LOC400499: variants seen among roughly 807,000 people sequenced by gnomAD.
the LOC400499 span, among the ~76,000 whole-genome samples, chr16:11,498,270 C>G: frequency 2.0e-5 from 3 of 152,126 alleles, no homozygotes; most frequent in African/African-American, 7.2e-5. Context: ...CACATGAGCT[C>G]AGGAGTTCGA....
At chr16:11,496,964 C>T in the LOC400499 span, among the ~76,000 whole-genome samples, 7 of 148,580 alleles carry the variant, frequency 4.7e-5, no homozygotes, top group South Asian at 2.2e-4. Context: ...GGTGTGTGTC[C>T]GTGCATTTCC....
chr16:11,386,457 A>C, the LOC400499 span, among the ~76,000 whole-genome samples: 9 of 152,220 alleles, frequency 5.9e-5, no homozygotes, highest in Non-Finnish European at 1.3e-4. Context: ...CTGCTTAGAC[A>C]TGACTGCGCC....
the LOC400499 span, chr16:11,392,348 C>G: frequency 2.5e-6 from 1 of 399,034 alleles, no homozygotes; most frequent in Non-Finnish European, 4.4e-6. Flanking sequence ...CCCCTGGCAG[C>G]CGCGCGCGGC....
At chr16:11,383,007 G>A in the LOC400499 span, among the ~76,000 whole-genome samples, 1 of 151,982 alleles carries the variant, frequency 6.6e-6, no homozygotes, top group Admixed American at 6.6e-5. Context: ...TGGCTTCTGG[G>A]AGGCCTCAGG....
the LOC400499 span, among the ~76,000 whole-genome samples, chr16:11,393,814 A>G: frequency 6.6e-6 from 1 of 152,128 alleles, no homozygotes; most frequent in African/African-American, 2.4e-5. Flanking sequence ...TCAAGGGCTC[A>G]CTCCTATAAT....
the LOC400499 span, chr16:11,457,023 G>C: frequency 6.5e-7 from 1 of 1,530,918 alleles, no homozygotes; most frequent in Non-Finnish European, 8.7e-7. Flanking sequence ...CTGCCTCTCA[G>C]GCACCTGCAG....
the LOC400499 span, among the ~76,000 whole-genome samples, chr16:11,484,259 G>A: frequency 1.1e-4 from 17 of 151,974 alleles, no homozygotes; most frequent in Middle Eastern, 3.4e-3. Flanking sequence ...CGCCTGCCTC[G>A]GCCTCCCAAA....
the LOC400499 span, among the ~76,000 whole-genome samples, chr16:11,507,158 T>G: frequency 6.6e-6 from 1 of 152,154 alleles, no homozygotes; most frequent in Non-Finnish European, 1.5e-5. Context: ...GGCCAAAGAA[T>G]GCAGTGCTGT....
chr16:11,456,729 A>G, the LOC400499 span: 1 of 1,151,622 alleles, frequency 8.7e-7, no homozygotes, highest in East Asian at 2.6e-5. Flanking sequence ...TGCCTGGCCC[A>G]GTTTGAGTCT....
At chr16:11,460,881 C>G in the LOC400499 span, 2 of 1,430,398 alleles carry the variant, frequency 1.4e-6, no homozygotes, top group South Asian at 2.9e-5. Context: ...CAGCGTATCT[C>G]AGCTCACGGA....
the LOC400499 span, among the ~76,000 whole-genome samples, chr16:11,423,616 G>A: frequency 1.2e-4 from 18 of 152,216 alleles, no homozygotes; most frequent in African/African-American, 4.3e-4. Flanking sequence ...CTTCAGGCCA[G>A]GAGCCCTGCT....
chr16:11,472,376 AAAG>A, the LOC400499 span: 1 of 151,988 alleles, frequency 6.6e-6, no homozygotes, highest in Admixed American at 6.6e-5. Context: ...TATTTTTAGT[AAAG>A]ATGGGGTTTT....
chr16:11,450,510 C>T, the LOC400499 span: 9 of 1,176,194 alleles, frequency 7.7e-6, no homozygotes, highest in South Asian at 8.7e-5. Flanking sequence ...CTGTGAGCTG[C>T]TATCTGCCCA....
chr16:11,418,229 G>C, the LOC400499 span, among the ~76,000 whole-genome samples: 412 of 152,306 alleles, frequency 2.7e-3, 1 homozygote, highest in Admixed American at 4.7e-3. Context: ...CTGTTTGTCA[G>C]AGGCATTTGA....
At chr16:11,470,699 A>G in the LOC400499 span, 1 of 152,404 alleles carries the variant, frequency 6.6e-6, no homozygotes, top group Non-Finnish European at 1.5e-5. Flanking sequence ...GAGAGGAGGC[A>G]CAGGAACACC....
the LOC400499 span, chr16:11,393,576 A>C: frequency 7.3e-6 from 9 of 1,232,374 alleles, no homozygotes; most frequent in Admixed American, 4.2e-5. Flanking sequence ...GGGGGAAGGC[A>C]GAGGCCTGAG....
chr16:11,384,039 C>G, the LOC400499 span: 18 of 1,231,850 alleles, frequency 1.5e-5, no homozygotes, highest in African/African-American at 2.6e-4. Flanking sequence ...CTCAGGCCTC[C>G]TGCTGGACCA....
At chr16:11,512,344 G>A in the LOC400499 span, among the ~76,000 whole-genome samples, 89,634 of 151,406 alleles carry the variant, frequency 0.59, 26,894 homozygotes, top group Admixed American at 0.66. Flanking sequence ...CACGCCTGTA[G>A]TCCCAGCACT....
chr16:11,386,611 C>T, the LOC400499 span, among the ~76,000 whole-genome samples: 9 of 152,162 alleles, frequency 5.9e-5, no homozygotes, highest in Non-Finnish European at 1.3e-4. Context: ...CCCATATGAG[C>T]GAGCCACGTT....
Sources: gnomAD v4.1 joint callset for allele counts (sites outside exome capture counted in the v4.1 genomes callset) on GRCh38, gnomAD v4.1.1 for gene constraint, MANE v1.5 for transcripts.